CTBP2: variants seen among roughly 807,000 people sequenced by gnomAD.
CTBP2 encodes the protein C-terminal-binding protein 2.
A neutral mutation model predicts 80.3 loss-of-function variants in CTBP2; 30 were observed. That is an observed-to-expected ratio of 0.37 (90% CI 0.28 to 0.51). The LOEUF is 0.51. Among genes scored for constraint, CTBP2 ranks in the 20% least tolerant of loss-of-function variants. CTBP2 has a pLI of 0.93. For missense variants in CTBP2, 1,212 were observed against 1,375.3 expected (o/e 0.88, Z 1.88); for synonymous variants, 594 against 587.4 (o/e 1.01, Z -0.16).
intron 1 of CTBP2, among the ~76,000 whole-genome samples, chr10:125,020,486 G>C (rs950675811): frequency 3.3e-5 from 5 of 152,328 alleles, no homozygotes; most frequent in South Asian, 2.1e-4. Flanking sequence ...CAGTCAACGC[G>C]GGCCTTGTGG....
chr10:125,015,016 G>C (rs1956326922), intron 1 of CTBP2, among the ~76,000 whole-genome samples: 1 of 152,220 alleles, frequency 6.6e-6, no homozygotes, highest in Non-Finnish European at 1.5e-5. Context: ...GCGGTGTGGA[G>C]GATGTTTACC....
In CTBP2 at chr10:125,154,866, C is replaced by T. The variant is rs183024569; in HGVS notation, c.-206+5453G>A. Among the ~76,000 whole-genome samples, 162 of 152,292 alleles carry T rather than the reference C, an allele frequency of 1.1e-3. 1 individual carries two copies. Among genetic ancestry groups the T allele is most frequent in the African/African-American group, 3.7e-3 (152 of 41,544 alleles). ...GCTTTTTCCGAAATGGCAGCAGCTA[C>T]GCAAAACATGAACATCCAGCAAAAA... On this transcript the variant is annotated intron_variant, in intron 1 of 10. Coordinates refer to the CTBP2 transcript ENST00000337195.
chr10:125,143,429 G>A (rs1858198490), intron 1 of CTBP2, among the ~76,000 whole-genome samples: 1 of 152,180 alleles, frequency 6.6e-6, no homozygotes, highest in Non-Finnish European at 1.5e-5. Flanking sequence ...AGTGAGCGGA[G>A]AACTCGCCAC....
At chr10:125,033,734 C>T (rs1041729492) in intron 3 of CTBP2, among the ~76,000 whole-genome samples, 12 of 152,172 alleles carry the variant, frequency 7.9e-5, no homozygotes, top group Non-Finnish European at 1.0e-4. Flanking sequence ...AAGGCACTGA[C>T]TTGGCCTGAA....
rs143040033 is a variant in CTBP2 at position 125,104,475 on chromosome 10, G to A, written c.-102+6515C>T. Among the ~76,000 whole-genome samples the A allele has an allele frequency of 9.2e-5, 14 of 152,178 alleles. No individual in the cohort carries two copies. The East Asian group carries it at 1.7e-3, about 19-fold the overall frequency. On this transcript the variant is annotated intron_variant, in intron 2 of 10. Transcript: ENST00000337195. The stretch of plus-strand genomic sequence containing the variant: ...TGAGAAATTGATTTGTTTGCTCCGC[G>A]TGCCTGAAGAAACCACATTATGAAA...
intron 1 of CTBP2, among the ~76,000 whole-genome samples, chr10:125,127,776 G>A (rs1231977146): frequency 2.0e-5 from 3 of 152,240 alleles, no homozygotes; most frequent in Middle Eastern, 3.4e-3. Context: ...AAGGACACAC[G>A]TCATCCCTCC....
At chr10:124,989,786 G>T in intron 8 of CTBP2, 88 bp from the exon 11 acceptor site, 2 of 1,286,222 alleles carry the variant, frequency 1.6e-6, no homozygotes, top group Non-Finnish European at 1.0e-6. Context: ...TTTCATAAGA[G>T]ACAGGAGCCC....
chr10:125,116,219 C>T (rs1189079561), intron 1 of CTBP2, among the ~76,000 whole-genome samples: 1 of 152,192 alleles, frequency 6.6e-6, no homozygotes, highest in Non-Finnish European at 1.5e-5. Flanking sequence ...AGGTCCCAAG[C>T]AAACTCTGGG....
At position 125,003,343 on chromosome 10, in the gene CTBP2, C is replaced by T. The variant is rs1386742639; in HGVS notation, c.1828G>A (p.Glu610Lys). 5 of 1,608,076 alleles carry T rather than the reference C, an allele frequency of 3.1e-6. No individual in the cohort carries two copies. The highest frequency in any genetic ancestry group is 4.2e-6 in the Non-Finnish European group (5 of 1,178,904). The change falls in exon 2 of 9, where the codon GAG (glutamate) becomes AAG (lysine). Residue 610 changes from glutamate (E) to lysine (K), a missense_variant. Coordinates refer to ENST00000309035, the MANE Select transcript of CTBP2 (RefSeq NM_022802.3). ...GCCGGGCAGGGTGGGCCCACCTTCTCGTGGATTTCCTGCGTCGACTGCGCG... is the reference window on the plus strand; with the variant it reads ...GCCGGGCAGGGTGGGCCCACCTTCTTGTGGATTTCCTGCGTCGACTGCGCG...
intron 1 of CTBP2, among the ~76,000 whole-genome samples, chr10:125,130,574 T>C (rs1002827172): frequency 6.6e-6 from 1 of 152,160 alleles, no homozygotes; most frequent in African/African-American, 2.4e-5. Flanking sequence ...GGGCTGCACT[T>C]ACAAGCCTCT....
chr10:125,145,668 A>G (rs1396698063), intron 1 of CTBP2, among the ~76,000 whole-genome samples: 1 of 152,172 alleles, frequency 6.6e-6, no homozygotes, highest in South Asian at 2.1e-4. Context: ...TGGGATTGCC[A>G]TGAATCCTAC....
Position 125,066,335 on chromosome 10 carries a change from G to C in CTBP2, c.-101-27180C>G, listed in dbSNP as rs1206338872. Among the ~76,000 whole-genome samples, 1 of 152,118 alleles carries C rather than the reference G, an allele frequency of 6.6e-6. No homozygotes were observed. The highest frequency in any genetic ancestry group is 1.5e-5 in the Non-Finnish European group (1 of 68,018). On this transcript the variant is annotated intron_variant, in intron 2 of 10. Transcript: ENST00000337195. This position sits in a 1 kb window ranked among gnomAD's most constrained non-coding sequence, Gnocchi z 4.1. ...TGTCACATGGAGCTACCAACATCAG[G>C]ACCAGCGAGAAATCGGGAAAACATC...
chr10:125,076,903 A>T (rs550166802), intron 2 of CTBP2, among the ~76,000 whole-genome samples: 1 of 152,252 alleles, frequency 6.6e-6, no homozygotes, highest in South Asian at 2.1e-4. Context: ...TTAAATGGTC[A>T]TTTCTGCCAA....
At position 125,027,227 on chromosome 10, in the gene CTBP2, T is replaced by G; in HGVS notation, c.533A>C (p.Gln178Pro). The G allele has an allele frequency of 4.3e-6, 7 of 1,613,336 alleles. No homozygotes were observed. The highest frequency in any genetic ancestry group is 5.1e-6 in the Non-Finnish European group (6 of 1,179,816). ...GGGAGATGCAGCCCTGCTCTGTGTC[T>G]GCCGCCCCTGAGGGATCATTTTACC... The change falls in exon 1 of 9, where the codon CAG becomes CCG. Residue 178 changes from glutamine (Q) to proline (P), a missense_variant. By Grantham distance (76) the Gln-to-Pro change is moderately conservative. This residue lies in a region of CTBP2 where 848 missense variants were observed against 782.3 expected (regional missense o/e 1.08). Coordinates refer to ENST00000309035, the MANE Select transcript of CTBP2 (RefSeq NM_022802.3).
chr10:125,143,091 C>A (rs547893695), intron 1 of CTBP2, among the ~76,000 whole-genome samples: 2 of 152,182 alleles, frequency 1.3e-5, no homozygotes, highest in Non-Finnish European at 2.9e-5. Context: ...TCCAGATAAA[C>A]CCTCCTTGCT....
Position 125,026,985 on chromosome 10 carries a change from GC to G in CTBP2, c.774del (p.Pro259LeufsTer84), listed in dbSNP as rs1957675915. On this transcript the variant is annotated frameshift_variant, in exon 1 of 9. Coordinates refer to ENST00000309035, the MANE Select transcript of CTBP2 (RefSeq NM_022802.3). LOFTEE classifies it high-confidence loss of function. ...TTGGATGGGATGCTTTCCCGGGCAG[GC>G]CCGTAGCCACGATTCAGGGCCCCTG... 6.2e-7 allele frequency: 1 copy of G among 1,613,872 alleles called. No homozygotes were observed.
At chr10:125,014,019 C>A (rs1185905314) in intron 1 of CTBP2, among the ~76,000 whole-genome samples, 4 of 152,206 alleles carry the variant, frequency 2.6e-5, no homozygotes, top group Non-Finnish European at 5.9e-5. Flanking sequence ...TCACGTGAGG[C>A]ATGCGCTCTT....
In CTBP2 at chr10:125,027,359, CGGCT is replaced by C; in HGVS notation, c.397_400del (p.Ser133GlyfsTer39). The C allele has an allele frequency of 6.2e-7, 1 of 1,613,532 alleles. No homozygotes were observed. On this transcript the variant is annotated frameshift_variant, in exon 1 of 9. Coordinates refer to ENST00000309035, the MANE Select transcript of CTBP2 (RefSeq NM_022802.3). LOFTEE classifies it high-confidence loss of function. ...AAGCACTCCGTAGCTGGGGACCGGC[CGGCT>C]GACTCCTGGGTCCCGATAGAGGGGA...
rs1957804766 is a variant in CTBP2 at position 125,027,761 on chromosome 10, G to A, written c.-2C>T. ...TATATGCCTGCTGGGAACTGGCATTGGAAAAAAAATGACTGCGGATGAGGC... is the reference window on the plus strand; with the variant it reads ...TATATGCCTGCTGGGAACTGGCATTAGAAAAAAAATGACTGCGGATGAGGC... On this transcript the variant is annotated 5_prime_UTR_variant, in exon 1 of 9. Coordinates refer to ENST00000309035, the MANE Select transcript of CTBP2 (RefSeq NM_022802.3). 2 of 1,564,310 alleles carry A rather than the reference G, an allele frequency of 1.3e-6. No homozygotes were observed. The highest frequency in any genetic ancestry group is 1.7e-6 in the Non-Finnish European group (2 of 1,155,054).
Sources: allele counts gnomAD v4.1 joint callset (sites outside exome capture counted in the v4.1 genomes callset), GRCh38; gene constraint gnomAD v4.1.1; regional missense constraint gnomAD v4.1.1; non-coding constraint Gnocchi (gnomAD v3.1); transcripts MANE v1.5; gene names NCBI Gene and HGNC (gene_info 2026-07-23, HGNC 2026-07-21).